Variants in KCNQ1 observed in about 807,000 individuals in gnomAD.
KCNQ1 encodes the protein potassium voltage-gated channel subfamily Q member 1, also known as potassium voltage-gated channel subfamily KQT member 1.
In KCNQ1, 49 loss-of-function variants were observed where a neutral mutation model predicts 72.4. The observed-to-expected ratio is 0.68, with a 90% CI of 0.54 to 0.86. KCNQ1 has a LOEUF of 0.86. Among genes scored for constraint, KCNQ1 ranks in the 40% least tolerant of loss-of-function variants. The pLI is 0.00. For missense variants in KCNQ1, 790 were observed against 945.1 expected (o/e 0.84, Z 2.15); for synonymous variants, 450 against 412.6 (o/e 1.09, Z -1.10).
At chr11:2,455,350 G>C (rs1275594180) in intron 1 of KCNQ1, among the ~76,000 whole-genome samples, 2 of 152,108 alleles carry the variant, frequency 1.3e-5, no homozygotes, top group East Asian at 3.9e-4. Flanking sequence ...CACCCGCCTT[G>C]GCCTCCCAAA....
chr11:2,619,571 A>G, intron 10 of KCNQ1: 1 of 398,528 alleles, frequency 2.5e-6, no homozygotes, highest in Non-Finnish European at 4.4e-6. Context: ...GTCTGCCAAT[A>G]TTTTATTAAG....
At chr11:2,656,406 C>A (rs1395648781) in intron 10 of KCNQ1, 2 of 398,480 alleles carry the variant, frequency 5.0e-6, no homozygotes, top group Non-Finnish European at 8.8e-6. Context: ...GGCACAGAGC[C>A]CTTTCACTCT....
Position 2,678,279 on chromosome 11 carries a change from T to C in KCNQ1, c.1514+16198T>C, listed in dbSNP as rs1850327997. 5.0e-6 allele frequency: 2 copies of C among 398,488 alleles called. No individual in the cohort carries two copies. The highest frequency in any genetic ancestry group is 8.8e-6 in the Non-Finnish European group (2 of 225,998). 24.7% of individuals were successfully genotyped at this position (398,488 alleles called of 1,614,324 possible). ...AATAACCTCTCATCCTGAAATTGTT[T>C]TAATAAATTCTTCCATGTTTTCTTC... is the stretch of plus-strand genomic sequence containing the variant. On this transcript the variant is annotated intron_variant, in intron 11 of 15. Transcript: ENST00000155840. The surrounding 1 kb of genome is among the most constrained non-coding windows in gnomAD (Gnocchi z 4.9).
chr11:2,661,916 G>GT lies in KCNQ1; in HGVS notation c.1394-43dup, dbSNP rs1218374131. On this transcript the variant is annotated intron_variant, in intron 10 of 15. Transcript: ENST00000155840. This position sits in a 1 kb window ranked among gnomAD's most constrained non-coding sequence, Gnocchi z 5.9. ...AGGCCTGGCTCCACAGCACTGGCAG[G>GT]TTGGGTGGGAGGCCTAACGTGCTGT... 6.2e-7 allele frequency: 1 copy of GT among 1,613,746 alleles called. No homozygotes were observed. Among genetic ancestry groups the GT allele is most frequent in the African/African-American group, 1.3e-5 (1 of 74,912 alleles).
At chr11:2,801,763 C>T (rs912581854) in intron 15 of KCNQ1, among the ~76,000 whole-genome samples, 2 of 152,212 alleles carry the variant, frequency 1.3e-5, no homozygotes, top group African/African-American at 4.8e-5. Context: ...TGCTGAAGGG[C>T]AGGAAGTGAG....
At position 2,803,555 on chromosome 11, in the gene KCNQ1, G is replaced by A. The variant is rs779915363; in HGVS notation, c.1794+25518G>A. 6.6e-6 allele frequency among the ~76,000 whole-genome samples: 1 copy of A among 152,116 alleles called. No homozygotes were observed. The highest frequency in any genetic ancestry group is 1.5e-5 in the Non-Finnish European group (1 of 67,996). On this transcript the variant is annotated intron_variant, in intron 15 of 15. Coordinates refer to ENST00000155840, the MANE Select transcript of KCNQ1 (RefSeq NM_000218.3). The surrounding 1 kb of genome is among the most constrained non-coding windows in gnomAD (Gnocchi z 6.4). ...CCCTGCAGGCACTGGCAGAGCTGGG[G>A]GTGATGGGGCTTCAGTGGAGCCCGC...
Position 2,785,058 on chromosome 11 carries a change from A to G in KCNQ1, c.1794+7021A>G, listed in dbSNP as rs1042343398. On this transcript the variant is annotated intron_variant, in intron 15 of 15. Coordinates refer to ENST00000155840, the MANE Select transcript of KCNQ1 (RefSeq NM_000218.3). This position sits in a 1 kb window ranked among gnomAD's most constrained non-coding sequence, Gnocchi z 4.4. ...CACTGGCTTGAACTTCAAAAAAAAT[A>G]TTGACTAGAAGTGCTAGAGCAGATC... Among the ~76,000 whole-genome samples, 4 of 152,042 alleles carry G rather than the reference A, an allele frequency of 2.6e-5. No homozygotes were observed. Among genetic ancestry groups the G allele is most frequent in the Non-Finnish European group, 5.9e-5 (4 of 67,848 alleles).
rs1469924640 is a variant in KCNQ1, at chr11:2,446,413, G to A, written c.386+929G>A. 6.6e-6 allele frequency among the ~76,000 whole-genome samples: 1 copy of A among 152,186 alleles called. No individual in the cohort carries two copies. The highest frequency in any genetic ancestry group is 2.4e-5 in the African/African-American group (1 of 41,446). ...GACATCCCATGGCTGATGGCTGTGG[G>A]GCTCACCTGAGGGCTGAAGGGTGGT... On this transcript the variant is annotated intron_variant, in intron 1 of 15. Coordinates refer to ENST00000155840, the MANE Select transcript of KCNQ1 (RefSeq NM_000218.3). The surrounding 1 kb of genome is among the most constrained non-coding windows in gnomAD (Gnocchi z 8.8).
At chr11:2,456,801 TGGG>T (rs1564786021) in intron 1 of KCNQ1, among the ~76,000 whole-genome samples, 191 of 128,290 alleles carry the variant, frequency 1.5e-3, no homozygotes, top group African/African-American at 4.7e-3. Context: ...TAGCCGGGCG[TGGG>T]GGTGGGCGCC....
chr11:2,560,240 G>A (rs1350508072), intron 2 of KCNQ1, among the ~76,000 whole-genome samples: 1 of 73,956 alleles, frequency 1.4e-5, no homozygotes, highest in Admixed American at 1.1e-4. Context: ...TTGGGGGATG[G>A]GGGGGTGACG....
At chr11:2,770,889 G>A (rs1326982488) in intron 12 of KCNQ1, among the ~76,000 whole-genome samples, 4 of 152,374 alleles carry the variant, frequency 2.6e-5, no homozygotes, top group Middle Eastern at 3.4e-3. Context: ...AAGGGGCTGC[G>A]TGAACCCCTT....
intron 11 of KCNQ1, among the ~76,000 whole-genome samples, chr11:2,736,684 G>A (rs1439917428): frequency 2.6e-5 from 4 of 152,122 alleles, no homozygotes; most frequent in African/African-American, 4.8e-5. Context: ...GTGATCTTCC[G>A]CCACTGACAT....
Position 2,451,058 on chromosome 11 carries a change from T to C in KCNQ1, c.386+5574T>C, listed in dbSNP as rs1846113162. On this transcript the variant is annotated intron_variant, in intron 1 of 15. Coordinates refer to ENST00000155840, the MANE Select transcript of KCNQ1 (RefSeq NM_000218.3). The surrounding 1 kb of genome is among the most constrained non-coding windows in gnomAD (Gnocchi z 6.4). Reference sequence around the variant, plus strand: ...GTGGGGTCCATCTGAGCAGGCATGGTGCTTCCAGAAGGATCCAGGTTAAGG... The same window carrying C: ...GTGGGGTCCATCTGAGCAGGCATGGCGCTTCCAGAAGGATCCAGGTTAAGG... Among the ~76,000 whole-genome samples the C allele has an allele frequency of 6.6e-6, 1 of 152,146 alleles. No homozygotes were observed. Among genetic ancestry groups the C allele is most frequent in the Admixed American group, 6.5e-5 (1 of 15,282 alleles).
At position 2,526,421 on chromosome 11, in the gene KCNQ1, C is replaced by T. The variant is rs1309682419; in HGVS notation, c.387-1507C>T. On this transcript the variant is annotated intron_variant, in intron 1 of 15. Transcript: ENST00000155840. This position sits in a 1 kb window ranked among gnomAD's most constrained non-coding sequence, Gnocchi z 6.1. ...CAGGTTTTGGCCCCAGTCCCAGCAG[C>T]GGGACTATGGCTGTGGGGAGGGAGG... Among the ~76,000 whole-genome samples, 9 of 151,876 alleles carry T rather than the reference C, an allele frequency of 5.9e-5. No homozygotes were observed. Among genetic ancestry groups the T allele is most frequent in the African/African-American group, 9.7e-5 (4 of 41,334 alleles).
Position 2,785,864 on chromosome 11 carries a change from T to C in KCNQ1, c.1794+7827T>C, listed in dbSNP as rs1477161543. Reference sequence around the variant, plus strand: ...GAATATATATCAGAAGTAATTGCTATATCTACCCATATCTGTAATAAAATA... The same window carrying C: ...GAATATATATCAGAAGTAATTGCTACATCTACCCATATCTGTAATAAAATA... On this transcript the variant is annotated intron_variant, in intron 15 of 15. Coordinates refer to ENST00000155840, the MANE Select transcript of KCNQ1 (RefSeq NM_000218.3). The surrounding 1 kb of genome is among the most constrained non-coding windows in gnomAD (Gnocchi z 4.4). 6.6e-6 allele frequency among the ~76,000 whole-genome samples: 1 copy of C among 152,102 alleles called. No homozygotes were observed. The highest frequency in any genetic ancestry group is 1.5e-5 in the Non-Finnish European group (1 of 67,920).
chr11:2,450,623 G>A lies in KCNQ1; in HGVS notation c.386+5139G>A, dbSNP rs1468623262. On this transcript the variant is annotated intron_variant, in intron 1 of 15. Transcript: ENST00000155840. The surrounding 1 kb of genome is among the most constrained non-coding windows in gnomAD (Gnocchi z 7.9). ...CATCTGGGGTCCCTGCGGGCACGTC[G>A]GTGAGACCGTCCTGGCCTCCACACC... 6.6e-6 allele frequency among the ~76,000 whole-genome samples: 1 copy of A among 152,000 alleles called. No individual in the cohort carries two copies. The highest frequency in any genetic ancestry group is 6.5e-5 in the Admixed American group (1 of 15,272).
At position 2,572,967 on chromosome 11, in the gene KCNQ1, A is replaced by T. The variant is rs1554893260; in HGVS notation, c.902A>T (p.Asp301Val). 6.2e-7 allele frequency: 1 copy of T among 1,613,676 alleles called. No homozygotes were observed. Among genetic ancestry groups the T allele is most frequent in the Non-Finnish European group, 8.5e-7 (1 of 1,179,968 alleles). ...SGRVEFGSYA[D>V]ALWWGVVTVT... is the part of the protein sequence containing the mutation. ...CGCGTGGAGTTCGGCAGCTACGCAG[A>T]TGCGCTGTGGTGGGGGGTGGTAAGT... Residue 301 changes from aspartate (D) to valine (V), a missense_variant, in exon 6 of 16, where the codon GAT becomes GTT. By Grantham distance (152) the Asp-to-Val change is radical. This residue lies in a region of KCNQ1 where 133 missense variants were observed against 219.5 expected (regional missense o/e 0.61). Coordinates refer to ENST00000155840, the MANE Select transcript of KCNQ1 (RefSeq NM_000218.3).
chr11:2,509,756 C>T lies in KCNQ1; in HGVS notation c.387-18172C>T, dbSNP rs577161873. On this transcript the variant is annotated intron_variant, in intron 1 of 15. Transcript: ENST00000155840. The surrounding 1 kb of genome is among the most constrained non-coding windows in gnomAD (Gnocchi z 6.3). The stretch of plus-strand genomic sequence containing the variant: ...GATAGGGAAAGAAAAGAGGGGCTTC[C>T]GGGGGTGGGGAGCGGGGCTGGGCGG... 3.1e-4 allele frequency among the ~76,000 whole-genome samples: 46 copies of T among 149,780 alleles called. No individual in the cohort carries two copies. The South Asian group carries it at 8.4e-3, about 27-fold the overall frequency.
intron 10 of KCNQ1, chr11:2,614,067 T>C (rs912962271): frequency 2.5e-6 from 1 of 398,504 alleles, no homozygotes; most frequent in African/African-American, 2.1e-5. Flanking sequence ...CAATCTCTTA[T>C]GCTTGCATGT....
Sources: allele counts gnomAD v4.1 joint callset (sites outside exome capture counted in the v4.1 genomes callset), GRCh38; gene constraint gnomAD v4.1.1; regional missense constraint gnomAD v4.1.1; non-coding constraint Gnocchi (gnomAD v3.1); transcripts MANE v1.5; gene names NCBI Gene and HGNC (gene_info 2026-07-23, HGNC 2026-07-21).